The following CNNM2 variants were observed in gnomAD, a reference collection of about 807,000 sequenced individuals.
CNNM2 encodes the protein metal transporter CNNM2.
A neutral mutation model predicts 66.9 loss-of-function variants in CNNM2; 12 were observed. That is an observed-to-expected ratio of 0.18 (90% CI 0.11 to 0.29). The LOEUF (loss-of-function observed/expected upper bound fraction) is 0.29. Among genes scored for constraint, CNNM2 ranks in the 10% least tolerant of loss-of-function variants. The pLI is 1.00. For missense variants in CNNM2, 705 were observed against 1,167.7 expected (o/e 0.60, Z 5.77); for synonymous variants, 557 against 501.8 (o/e 1.11, Z -1.47).
In CNNM2 at chr10:103,038,947, A is replaced by G. The variant is rs1053222233; in HGVS notation, c.1622-10760A>G. ...GTGTATTTTATGGTGGGAAAATTCA[A>G]TTGGAAAAAATGTACTTAGATCTGG... On this transcript the variant is annotated intron_variant, in intron 1 of 7. Coordinates refer to ENST00000369878, the MANE Select transcript of CNNM2 (RefSeq NM_017649.5). Among the ~76,000 whole-genome samples the G allele has an allele frequency of 1.3e-5, 2 of 152,256 alleles. 1 individual carries two copies.
rs546960944 is a variant in CNNM2 at position 102,980,194 on chromosome 10, C to T, written c.1621+60093C>T. ...CTGACCTCAAGTGATCTGCCCACCT[C>T]GGCCTCCCAGAGTGCTGGGATTACA... On this transcript the variant is annotated intron_variant, in intron 1 of 7. Transcript: ENST00000369878. 1.6e-3 allele frequency among the ~76,000 whole-genome samples: 237 copies of T among 152,204 alleles called. 1 individual carries two copies. Among genetic ancestry groups the T allele is most frequent in the African/African-American group, 5.4e-3 (224 of 41,540 alleles).
chr10:102,964,235 T>G lies in CNNM2; in HGVS notation c.1621+44134T>G, dbSNP rs142286140. On this transcript the variant is annotated intron_variant, in intron 1 of 7. Coordinates refer to ENST00000369878, the MANE Select transcript of CNNM2 (RefSeq NM_017649.5). ...ATTGGGCTAATTAGATATTCTTTTT[T>G]TTTTTTTCTTTGAGATGGAGTCTTG... Among the ~76,000 whole-genome samples the G allele has an allele frequency of 8.0e-4, 121 of 152,192 alleles. 2 individuals are homozygous for G. The East Asian group carries it at 0.014, about 18-fold the overall frequency.
chr10:102,973,112 T>C (rs2063571103), intron 1 of CNNM2, among the ~76,000 whole-genome samples: 1 of 152,088 alleles, frequency 6.6e-6, no homozygotes, highest in South Asian at 2.1e-4. Context: ...TCTTTCATTT[T>C]TGTATCTAAA....
intron 4 of CNNM2, among the ~76,000 whole-genome samples, chr10:103,058,996 G>A (rs2065340359): frequency 6.6e-6 from 1 of 152,114 alleles, no homozygotes; most frequent in Admixed American, 6.6e-5. Flanking sequence ...TGTTTTGAGA[G>A]GGAATCTTGC....
At chr10:102,973,874 C>T (rs942259657) in intron 1 of CNNM2, among the ~76,000 whole-genome samples, 3 of 141,656 alleles carry the variant, frequency 2.1e-5, no homozygotes, top group East Asian at 2.4e-4. Flanking sequence ...AATCCTTATG[C>T]GGGATTGCTC....
chr10:102,966,454 C>A (rs544033122), intron 1 of CNNM2, among the ~76,000 whole-genome samples: 2 of 152,292 alleles, frequency 1.3e-5, no homozygotes, highest in Admixed American at 6.5e-5. Context: ...CATGGCGAAA[C>A]CCCATCTCTA....
chr10:102,994,116 T>C (rs1044321947), intron 1 of CNNM2, among the ~76,000 whole-genome samples: 3 of 152,150 alleles, frequency 2.0e-5, no homozygotes, highest in Non-Finnish European at 4.4e-5. Flanking sequence ...TTTGTATTTT[T>C]AGTAGAGACG....
rs367767821 is a variant in CNNM2, at chr10:103,077,232, C to T, written c.*52C>T. The T allele has an allele frequency of 4.1e-3, 6,192 of 1,525,816 alleles. 23 individuals carry two copies. The highest frequency in any genetic ancestry group is 5.0e-3 in the Non-Finnish European group (5,553 of 1,111,074). 94.5% of individuals were successfully genotyped at this position (1,525,816 alleles called of 1,614,324 possible). A position where few individuals can be genotyped will look rare whatever the true frequency, so the allele number is the denominator to read the frequency against. Reference sequence around the variant, plus strand: ...CCGCACCCGCCCAGTCCCGAGGGCCCGGCCCTGTCTGCCCATGACTTCACT... The same window carrying T: ...CCGCACCCGCCCAGTCCCGAGGGCCTGGCCCTGTCTGCCCATGACTTCACT... On this transcript the variant is annotated 3_prime_UTR_variant, in exon 8 of 8. Transcript: ENST00000369878.
intron 1 of CNNM2, among the ~76,000 whole-genome samples, chr10:102,985,082 A>G (rs149302010): frequency 6.6e-6 from 1 of 152,342 alleles, no homozygotes; most frequent in Non-Finnish European, 1.5e-5. Context: ...TGAAAAGGAA[A>G]TAACGAAGGG....
rs1290160620 is a variant in CNNM2, at chr10:103,085,585, G to A, written c.*8405G>A. ...TTGGGAAGAGCTCCATGGGAGACCAGAACATCTGGGGACATAGTTGTACCT... is the reference window on the plus strand; with the variant it reads ...TTGGGAAGAGCTCCATGGGAGACCAAAACATCTGGGGACATAGTTGTACCT... On this transcript the variant is annotated 3_prime_UTR_variant, in exon 8 of 8. Coordinates refer to ENST00000369878, the MANE Select transcript of CNNM2 (RefSeq NM_017649.5). The A allele has an allele frequency of 6.6e-6, 1 of 152,230 alleles. No individual in the cohort carries two copies. The allele number at this position is 152,230 out of a possible 1,614,324, so 9.4% of individuals were successfully genotyped here.
chr10:103,021,430 TG>T (rs1174733479), intron 1 of CNNM2, among the ~76,000 whole-genome samples: 1 of 152,136 alleles, frequency 6.6e-6, no homozygotes, highest in Non-Finnish European at 1.5e-5. Flanking sequence ...GGGATGGCCT[TG>T]GAGTCCCGGG....
intron 1 of CNNM2, among the ~76,000 whole-genome samples, chr10:102,926,097 A>G (rs1845850072): frequency 6.6e-6 from 1 of 152,198 alleles, no homozygotes; most frequent in Admixed American, 6.5e-5. Flanking sequence ...TTCACAGTAC[A>G]TACAGATCTG....
chr10:103,012,373 T>C (rs1474923742), intron 1 of CNNM2, among the ~76,000 whole-genome samples: 1 of 152,160 alleles, frequency 6.6e-6, no homozygotes, highest in Non-Finnish European at 1.5e-5. Context: ...AGGCTGGGCA[T>C]GGTGGCTCGC....
chr10:102,973,409 C>G (rs2063575445), intron 1 of CNNM2, among the ~76,000 whole-genome samples: 1 of 152,058 alleles, frequency 6.6e-6, no homozygotes, highest in Non-Finnish European at 1.5e-5. Flanking sequence ...TCCAGAGTAG[C>G]TGGAACTACT....
At chr10:103,046,924 T>C (rs2065136159) in intron 1 of CNNM2, among the ~76,000 whole-genome samples, 1 of 152,228 alleles carries the variant, frequency 6.6e-6, no homozygotes, top group African/African-American at 2.4e-5. Context: ...ATGTAGAATC[T>C]GAAACCATAC....
chr10:103,030,110 A>G (rs2064795353), intron 1 of CNNM2, among the ~76,000 whole-genome samples: 1 of 152,172 alleles, frequency 6.6e-6, no homozygotes, highest in Non-Finnish European at 1.5e-5. Context: ...GAAATAGCAT[A>G]TCTAGTTTGG....
chr10:103,086,957 T>G lies in CNNM2; in HGVS notation c.*9777T>G, dbSNP rs1001279477. ...GCAGGGCCTGGGTCTGCTGTACCAC[T>G]GACCAACTGCTGGGGAGGCTAGGGG... is the stretch of plus-strand genomic sequence containing the variant. On this transcript the variant is annotated 3_prime_UTR_variant, in exon 8 of 8. Coordinates refer to ENST00000369878, the MANE Select transcript of CNNM2 (RefSeq NM_017649.5). 1 of 152,148 alleles carries G rather than the reference T, an allele frequency of 6.6e-6. No homozygotes were observed. The highest frequency in any genetic ancestry group is 1.5e-5 in the Non-Finnish European group (1 of 68,060). The allele number at this position is 152,148 out of a possible 1,614,324, so 9.4% of individuals were successfully genotyped here.
chr10:102,996,060 A>G (rs908302767), intron 1 of CNNM2, among the ~76,000 whole-genome samples: 5 of 152,176 alleles, frequency 3.3e-5, no homozygotes, highest in African/African-American at 7.2e-5. Context: ...ATTTGTGTGT[A>G]TAGAATTATC....
At chr10:103,040,309 A>G (rs149428785) in intron 1 of CNNM2, among the ~76,000 whole-genome samples, 180 of 152,030 alleles carry the variant, frequency 1.2e-3, no homozygotes, top group Middle Eastern at 3.4e-3. Context: ...AGAGCAAGGT[A>G]AAAAAGGATT....
Sources: gnomAD v4.1 joint callset for allele counts (sites outside exome capture counted in the v4.1 genomes callset) on GRCh38, gnomAD v4.1.1 for gene constraint, MANE v1.5 for transcripts, NCBI Gene and HGNC (gene_info 2026-07-23, HGNC 2026-07-21) for gene names.